CNBD1: variants seen among roughly 807,000 people sequenced by gnomAD.
The protein encoded by CNBD1 is cyclic nucleotide-binding domain-containing protein 1.
CNBD1 carries 71 observed loss-of-function variants against 54.4 expected under a neutral mutation model. The ratio of observed to expected loss-of-function variants is 1.30; its 90% CI spans 1.08 to 1.59. The LOEUF is 1.59. CNBD1 is among the 40% of genes most tolerant of loss of function. CNBD1 has a pLI of 0.00. For synonymous variants in CNBD1, 182 were observed against 170.7 expected, an observed-to-expected ratio of 1.07 and a Z score of -0.51; for missense variants, 659 against 518.0, an observed-to-expected ratio of 1.27 and a Z score of -2.64.
At chr8:87,311,814 C>T (rs572899848) in intron 8 of CNBD1, among the ~76,000 whole-genome samples, 16 of 152,046 alleles carry the variant, frequency 1.1e-4, no homozygotes, top group South Asian at 6.2e-4. Flanking sequence ...ATGCAGCTGG[C>T]GGTCATTAAC....
chr8:87,421,095 T>C (rs1301029244), intron 2 of CNBD1, among the ~76,000 whole-genome samples: 1 of 152,074 alleles, frequency 6.6e-6, no homozygotes, highest in African/African-American at 2.4e-5. Flanking sequence ...AGTAGATAGA[T>C]ATTTTTTCAA....
intron 4 of CNBD1, among the ~76,000 whole-genome samples, chr8:87,075,587 A>G (rs972271972): frequency 3.3e-5 from 5 of 152,022 alleles, no homozygotes; most frequent in Non-Finnish European, 1.5e-5. Context: ...TCCCTACTAT[A>G]TAAACTCCTA....
At chr8:87,024,763 C>T (rs1233466914) in intron 4 of CNBD1, among the ~76,000 whole-genome samples, 2 of 152,108 alleles carry the variant, frequency 1.3e-5, no homozygotes, top group Non-Finnish European at 2.9e-5. Flanking sequence ...ACTTCTTCTC[C>T]TAGATAACGA....
chr8:87,421,497 T>A (rs916595010), intron 2 of CNBD1, among the ~76,000 whole-genome samples: 2 of 144,522 alleles, frequency 1.4e-5, no homozygotes, highest in African/African-American at 5.1e-5. Context: ...CATTGTTCAA[T>A]TCCCACCTAT....
At chr8:87,025,176 CGTAAAATGGACCAATCAGCACTCT>C (rs1482904523) in intron 4 of CNBD1, among the ~76,000 whole-genome samples, 2 of 143,646 alleles carry the variant, frequency 1.4e-5, no homozygotes, top group South Asian at 2.1e-4. Context: ...ATCAGCACTC[CGTAAAATGGACCAATCAGCACTCT>C]GTAAAATGGA....
chr8:87,364,451 C>G (rs1810596437), intron 10 of CNBD1, among the ~76,000 whole-genome samples: 1 of 151,302 alleles, frequency 6.6e-6, no homozygotes, highest in African/African-American at 2.4e-5. Context: ...CTTTTTAATT[C>G]TTTTAAATCC....
chr8:87,372,799 A>T (rs774532516), intron 10 of CNBD1, among the ~76,000 whole-genome samples: 1 of 151,858 alleles, frequency 6.6e-6, no homozygotes, highest in Non-Finnish European at 1.5e-5. Context: ...TGTCTAGAAC[A>T]AATTTATTTC....
intron 4 of CNBD1, among the ~76,000 whole-genome samples, chr8:86,967,801 GTTT>G (rs796253707): frequency 3.0e-5 from 4 of 134,232 alleles, no homozygotes; most frequent in Non-Finnish European, 1.6e-5. Context: ...TGCTTGTTCA[GTTT>G]TTTTTTTTTT....
intron 4 of CNBD1, among the ~76,000 whole-genome samples, chr8:87,081,826 T>C (rs1811000297): frequency 6.6e-6 from 1 of 152,110 alleles, no homozygotes; most frequent in Non-Finnish European, 1.5e-5. Flanking sequence ...GTTTTATAAA[T>C]GAAAATTAAT....
At chr8:87,249,469 A>T (rs1304214237) in intron 6 of CNBD1, among the ~76,000 whole-genome samples, 1 of 151,958 alleles carries the variant, frequency 6.6e-6, no homozygotes, top group East Asian at 1.9e-4. Flanking sequence ...TCATGTTTTT[A>T]CCCCTTTATC....
chr8:87,242,136 C>G (rs1284766748), intron 6 of CNBD1, among the ~76,000 whole-genome samples: 1 of 152,084 alleles, frequency 6.6e-6, no homozygotes, highest in African/African-American at 2.4e-5. Flanking sequence ...CTCTTTGTAG[C>G]CATAAAATGC....
chr8:87,428,154 GAAA>G (rs112391540), intron 2 of CNBD1, among the ~76,000 whole-genome samples: 1 of 138,720 alleles, frequency 7.2e-6, no homozygotes, highest in Admixed American at 7.3e-5. Flanking sequence ...GGCAAAAAAA[GAAA>G]AAAAAAAAGT....
chr8:87,359,733 T>C (rs1810491696), intron 10 of CNBD1, among the ~76,000 whole-genome samples: 1 of 152,060 alleles, frequency 6.6e-6, no homozygotes, highest in Non-Finnish European at 1.5e-5. Context: ...TATATCAAGT[T>C]GAAGACAAAT....
At chr8:87,190,872 TATAGATACATGTACGTATATCTATTTAGA>T (rs1472453263) in intron 4 of CNBD1, among the ~76,000 whole-genome samples, 3,974 of 146,484 alleles carry the variant, frequency 0.027, 165 homozygotes, top group African/African-American at 0.085. Flanking sequence ...TCTAAATAGA[TATAGATACATGTACGTATATCTATTTAGA>T]TATAGGTACA....
intron 4 of CNBD1, among the ~76,000 whole-genome samples, chr8:86,967,645 A>T (rs1484019844): frequency 6.6e-6 from 1 of 152,206 alleles, no homozygotes; most frequent in Non-Finnish European, 1.5e-5. Flanking sequence ...ATTCTTTCTC[A>T]GAATTTTATC....
chr8:86,922,552 G>T (rs1478881974), intron 3 of CNBD1, among the ~76,000 whole-genome samples: 1 of 151,998 alleles, frequency 6.6e-6, no homozygotes, highest in Non-Finnish European at 1.5e-5. Context: ...GATGGCTTGG[G>T]GTATTATTGT....
At chr8:87,067,619 A>G (rs78993940) in intron 4 of CNBD1, among the ~76,000 whole-genome samples, 4,359 of 151,904 alleles carry the variant, frequency 0.029, 206 homozygotes, top group African/African-American at 0.1. Flanking sequence ...TTTTTTCACC[A>G]TTTTCCAGTG....
chr8:86,881,721 C>T (rs1049723038), intron 1 of CNBD1, among the ~76,000 whole-genome samples: 38 of 152,080 alleles, frequency 2.5e-4, no homozygotes, highest in African/African-American at 8.2e-4. Context: ...CAATCTTAAG[C>T]AAAAAGAAAA....
At chr8:87,134,059 A>G (rs1232907763) in intron 4 of CNBD1, among the ~76,000 whole-genome samples, 6 of 152,174 alleles carry the variant, frequency 3.9e-5, no homozygotes, top group African/African-American at 1.4e-4. Context: ...GAAACATATA[A>G]TCTTGTTATT....
Sources: gnomAD v4.1 joint callset for allele counts (sites outside exome capture counted in the v4.1 genomes callset) on GRCh38, gnomAD v4.1.1 for gene constraint, MANE v1.5 for transcripts, NCBI Gene and HGNC (gene_info 2026-07-23, HGNC 2026-07-21) for gene names.